Variants in CCDC178 observed in about 807,000 individuals in gnomAD.
CCDC178 encodes coiled-coil domain-containing protein 178.
A neutral mutation model predicts 117.4 loss-of-function variants in CCDC178; 126 were observed. The ratio of observed to expected loss-of-function variants is 1.07; its 90% CI spans 0.93 to 1.24. The LOEUF is 1.24. CCDC178 is among the 50% of genes most tolerant of loss of function. The probability of loss-of-function intolerance (pLI) is 0.00; values close to 1 mark genes in which losing one functional copy is unlikely to be tolerated. For missense variants in CCDC178, 1,030 were observed against 986.9 expected (o/e 1.04, Z -0.59); for synonymous variants, 283 against 313.4 (o/e 0.90, Z 1.02).
intron 12 of CCDC178, among the ~76,000 whole-genome samples, chr18:33,271,025 T>C (rs1366514488): frequency 6.6e-6 from 1 of 151,498 alleles, no homozygotes; most frequent in African/African-American, 2.4e-5. Flanking sequence ...TTGAAATTGT[T>C]AGTATTAATC....
At chr18:33,177,416 C>T (rs900415664) in intron 20 of CCDC178, among the ~76,000 whole-genome samples, 1 of 152,202 alleles carries the variant, frequency 6.6e-6, no homozygotes, top group African/African-American at 2.4e-5. Flanking sequence ...TATCTGCCAC[C>T]TTTCTTCTCT....
At chr18:33,087,011 CACA>C (rs1414804129) in intron 21 of CCDC178, among the ~76,000 whole-genome samples, 19 of 139,896 alleles carry the variant, frequency 1.4e-4, no homozygotes, top group Non-Finnish European at 2.4e-4. Context: ...CACACACACA[CACA>C]ACAAAATAGC....
At chr18:33,134,925 T>A (rs187183632) in intron 20 of CCDC178, among the ~76,000 whole-genome samples, 1 of 152,202 alleles carries the variant, frequency 6.6e-6, no homozygotes, top group East Asian at 1.9e-4. Context: ...ATTGCTTAAT[T>A]CCTCAGTTCG....
rs184532628 is a variant in CCDC178, at chr18:33,309,329, A to T, written c.1022+14162T>A. On this transcript the variant is annotated intron_variant, in intron 11 of 22. Transcript: ENST00000383096. ...TACCTGATATTCACAGGCTAAAAAA[A>T]TGGCCAATAAAAAATAATGACTGGA... Among the ~76,000 whole-genome samples, 127 of 152,308 alleles carry T rather than the reference A, an allele frequency of 8.3e-4. 2 individuals are homozygous for T. The East Asian group carries it at 0.022, about 27-fold the overall frequency.
intron 21 of CCDC178, 104 bp downstream of exon 21, chr18:33,092,657 G>T: frequency 1.5e-6 from 1 of 648,980 alleles, no homozygotes; most frequent in South Asian, 2.2e-5. Context: ...GCCATGTTGT[G>T]GATATCATCG....
At chr18:33,161,760 A>G (rs1421351131) in intron 20 of CCDC178, among the ~76,000 whole-genome samples, 1 of 152,070 alleles carries the variant, frequency 6.6e-6, no homozygotes, top group African/African-American at 2.4e-5. Flanking sequence ...ATCATTTTTT[A>G]TGGCTGCGTA....
At position 33,060,754 on chromosome 18, in the gene CCDC178, T is replaced by C. The variant is rs554445650; in HGVS notation, c.2388+32007A>G. On this transcript the variant is annotated intron_variant, in intron 21 of 22. Transcript: ENST00000383096. ...TTTGAGAAAAACAGTAATGCACATA[T>C]GTGGGAAGTTTTAGAAAAATGGAAT... Among the ~76,000 whole-genome samples, 5 of 152,256 alleles carry C rather than the reference T, an allele frequency of 3.3e-5. No homozygotes were observed. In the East Asian group the frequency reaches 7.7e-4, roughly 23 times the overall value.
intron 6 of CCDC178, among the ~76,000 whole-genome samples, chr18:33,368,834 T>C (rs937244206): frequency 6.6e-6 from 1 of 152,024 alleles, no homozygotes; most frequent in Non-Finnish European, 1.5e-5. Context: ...TAATCAATGG[T>C]AGCTGTTATA....
chr18:32,985,453 T>G (rs2055243358), intron 21 of CCDC178, among the ~76,000 whole-genome samples: 1 of 151,938 alleles, frequency 6.6e-6, no homozygotes, highest in African/African-American at 2.4e-5. Context: ...GATCTAGAAT[T>G]GTTCTAGCAC....
intron 3 of CCDC178, among the ~76,000 whole-genome samples, chr18:33,400,552 C>T (rs975955546): frequency 6.6e-6 from 1 of 152,196 alleles, no homozygotes; most frequent in Admixed American, 6.5e-5. Context: ...CCTTAGACTT[C>T]ATGAACCAAC....
intron 21 of CCDC178, among the ~76,000 whole-genome samples, chr18:33,043,657 T>C (rs1000419463): frequency 2.0e-5 from 3 of 152,014 alleles, no homozygotes; most frequent in Non-Finnish European, 4.4e-5. Flanking sequence ...CAGGGTATAA[T>C]TCAAGTATCA....
At chr18:33,353,047 C>T (rs571605990) in intron 7 of CCDC178, among the ~76,000 whole-genome samples, 43 of 151,574 alleles carry the variant, frequency 2.8e-4, no homozygotes, top group Non-Finnish European at 5.0e-4. Flanking sequence ...TCTATTATTC[C>T]CTTCAATTCT....
At chr18:33,230,421 A>T (rs569074738) in intron 15 of CCDC178, among the ~76,000 whole-genome samples, 1 of 152,296 alleles carries the variant, frequency 6.6e-6, no homozygotes, top group East Asian at 1.9e-4. Context: ...GCCTGGACAC[A>T]TTCTACAGCT....
At chr18:33,353,615 C>G (rs143847039) in intron 7 of CCDC178, among the ~76,000 whole-genome samples, 5 of 152,102 alleles carry the variant, frequency 3.3e-5, no homozygotes, top group African/African-American at 1.2e-4. Context: ...CTCTATAAAA[C>G]TTGAATTAAA....
intron 2 of CCDC178, among the ~76,000 whole-genome samples, chr18:33,422,909 C>A (rs2064049154): frequency 6.6e-6 from 1 of 152,170 alleles, no homozygotes; most frequent in South Asian, 2.1e-4. Context: ...TTACTTGTTT[C>A]CACATTTCAA....
chr18:33,315,600 T>C (rs1220816216), intron 11 of CCDC178, among the ~76,000 whole-genome samples: 1 of 152,146 alleles, frequency 6.6e-6, no homozygotes, highest in African/African-American at 2.4e-5. Context: ...GAGAACCAGA[T>C]CTACCTAAGA....
chr18:33,179,589 AC>A (rs1291397305), intron 20 of CCDC178, among the ~76,000 whole-genome samples: 1 of 151,996 alleles, frequency 6.6e-6, no homozygotes, highest in African/African-American at 2.4e-5. Context: ...AGGAAATATA[AC>A]CCAAGTGTGA....
chr18:33,032,485 A>G (rs894763176), intron 21 of CCDC178, among the ~76,000 whole-genome samples: 2 of 152,106 alleles, frequency 1.3e-5, no homozygotes, highest in African/African-American at 4.8e-5. Flanking sequence ...CTATCTTACA[A>G]TCTGCCTAGG....
At chr18:33,389,351 T>C (rs539936034) in intron 5 of CCDC178, among the ~76,000 whole-genome samples, 189 bp downstream of exon 5, 1 of 152,004 alleles carries the variant, frequency 6.6e-6, no homozygotes, top group African/African-American at 2.4e-5. Context: ...ACCCAGATTA[T>C]ACATTAACAA....
Sources: gnomAD v4.1 joint callset for allele counts (sites outside exome capture counted in the v4.1 genomes callset) on GRCh38, gnomAD v4.1.1 for gene constraint, MANE v1.5 for transcripts, NCBI Gene and HGNC (gene_info 2026-07-23, HGNC 2026-07-21) for gene names.